ACCSL: variants seen among roughly 807,000 people sequenced by gnomAD.
The protein encoded by ACCSL is probable inactive 1-aminocyclopropane-1-carboxylate synthase-like protein 2.
In ACCSL, 55 loss-of-function variants were observed where a neutral mutation model predicts 61.7. That is an observed-to-expected ratio of 0.89 (90% CI 0.72 to 1.12). The LOEUF (loss-of-function observed/expected upper bound fraction) is 1.12. Ranked by LOEUF, ACCSL falls within the 50% of genes most tolerant of loss-of-function variation. ACCSL has a pLI of 0.00. For missense variants in ACCSL, 632 were observed against 698.0 expected (o/e 0.91, Z 1.07); for synonymous variants, 258 against 264.3 (o/e 0.98, Z 0.23).
the ACCSL span, among the ~76,000 whole-genome samples, chr11:44,037,021 G>A: frequency 6.6e-6 from 1 of 152,156 alleles, no homozygotes; most frequent in African/African-American, 2.4e-5. Context: ...AAAAGGTTAT[G>A]CAATCTGGAG....
the ACCSL span, among the ~76,000 whole-genome samples, chr11:43,940,087 G>A: frequency 1.3e-5 from 2 of 152,122 alleles, no homozygotes; most frequent in African/African-American, 4.8e-5. Context: ...AGAGCTTCTT[G>A]CTTCTTTCCC....
In ACCSL at chr11:44,052,850, C is replaced by T. The variant is rs1246990323; in HGVS notation, c.870+91C>T. ...GGGGTAGAGGGGCTTGCTTTCTACC[C>T]ATCTAAGTGGTTGGGTAGGGGTGGA... On this transcript the variant is annotated intron_variant, in intron 6 of 13. Coordinates refer to ENST00000378832, the MANE Select transcript of ACCSL (RefSeq NM_001031854.2). 1.5e-5 allele frequency: 22 copies of T among 1,474,836 alleles called. No homozygotes were observed. In the South Asian group the frequency reaches 2.3e-4, roughly 15 times the overall value. The allele number at this position is 1,474,836 out of a possible 1,614,324, so 91.4% of individuals were successfully genotyped here.
the ACCSL span, among the ~76,000 whole-genome samples, chr11:43,929,805 C>T: frequency 5.3e-5 from 8 of 152,190 alleles, no homozygotes; most frequent in African/African-American, 1.9e-4. Flanking sequence ...TCAGGCCTCC[C>T]AGAGTGCTGG....
the ACCSL span, among the ~76,000 whole-genome samples, chr11:43,995,953 A>G: frequency 6.6e-6 from 1 of 152,232 alleles, no homozygotes; most frequent in Non-Finnish European, 1.5e-5. Flanking sequence ...CTTAAGATAA[A>G]GTCATTAGGG....
the ACCSL span, among the ~76,000 whole-genome samples, chr11:43,947,574 A>T: frequency 6.6e-6 from 1 of 152,200 alleles, no homozygotes; most frequent in African/African-American, 2.4e-5. Flanking sequence ...AGAGGTGGAG[A>T]GGAAGGAGGT....
chr11:44,058,067 G>T (rs1055350024), intron 11 of ACCSL, among the ~76,000 whole-genome samples: 1 of 152,226 alleles, frequency 6.6e-6, no homozygotes, highest in Non-Finnish European at 1.5e-5. Context: ...CAGTTACTTG[G>T]AAGGCTGAGA....
At chr11:44,036,744 T>G in the ACCSL span, among the ~76,000 whole-genome samples, 50 of 143,636 alleles carry the variant, frequency 3.5e-4, no homozygotes, top group South Asian at 1.0e-2. Context: ...ATCGCCCCAC[T>G]GCACTCCAGC....
chr11:44,048,474 T>A lies in ACCSL; in HGVS notation c.438T>A (p.Tyr146Ter), dbSNP rs773825632. Reference protein sequence around the residue: ...SIRGIDISVFYQSSFQDYNAY... With the variant: ...SIRGIDISVF ...GTGGGATTGACATCTCTGTCTTTTATCAGTCGAGCTTCCAGGACTACAATG... is the reference window on the plus strand; with the variant it reads ...GTGGGATTGACATCTCTGTCTTTTAACAGTCGAGCTTCCAGGACTACAATG... Residue 146 changes from tyrosine to a stop codon, truncating the protein, a stop_gained, in exon 1 of 14, where the codon TAT (tyrosine) becomes TAA (stop). Transcript: ENST00000378832. LOFTEE classifies it high-confidence loss of function. The A allele has an allele frequency of 6.2e-7, 1 of 1,610,316 alleles. No individual in the cohort carries two copies. The highest frequency in any genetic ancestry group is 1.7e-5 in the Admixed American group (1 of 59,138).
chr11:44,001,495 C>T, the ACCSL span, among the ~76,000 whole-genome samples: 33 of 151,810 alleles, frequency 2.2e-4, no homozygotes, highest in Admixed American at 6.6e-4. Context: ...TCTAAGATTC[C>T]GGGGTGAGAC....
At chr11:43,934,880 G>A in the ACCSL span, among the ~76,000 whole-genome samples, 13 of 152,202 alleles carry the variant, frequency 8.5e-5, no homozygotes, top group Non-Finnish European at 1.8e-4. Context: ...CCTGCTAATG[G>A]CTGAAGAACT....
chr11:43,959,261 T>A, the ACCSL span, among the ~76,000 whole-genome samples: 1 of 152,122 alleles, frequency 6.6e-6, no homozygotes, highest in African/African-American at 2.4e-5. Flanking sequence ...TGCTCCCATG[T>A]GCTTGTTCTT....
chr11:43,974,893 G>C, the ACCSL span, among the ~76,000 whole-genome samples: 25 of 152,192 alleles, frequency 1.6e-4, no homozygotes, highest in Non-Finnish European at 2.9e-5. Flanking sequence ...TTTCCCAAAA[G>C]AGCAGCCCCC....
the ACCSL span, among the ~76,000 whole-genome samples, chr11:44,025,736 T>A: frequency 7.0e-6 from 1 of 143,588 alleles, no homozygotes; most frequent in Admixed American, 7.3e-5. Flanking sequence ...GGTCTGCTAG[T>A]GATAAATTCT....
the ACCSL span, among the ~76,000 whole-genome samples, chr11:44,031,111 T>G: frequency 6.6e-6 from 1 of 152,184 alleles, no homozygotes. Flanking sequence ...CTGCTTCACC[T>G]CTTTGAGACT....
the ACCSL span, among the ~76,000 whole-genome samples, chr11:44,014,237 C>T: frequency 4.3e-4 from 66 of 152,316 alleles, 1 homozygote; most frequent in African/African-American, 1.5e-3. Flanking sequence ...AGTGGCTGAG[C>T]TGCTGATCCT....
the ACCSL span, among the ~76,000 whole-genome samples, chr11:44,004,865 A>G: frequency 2.0e-5 from 3 of 152,292 alleles, no homozygotes; most frequent in Admixed American, 2.0e-4. Context: ...CTAGCACTTT[A>G]CAGTTGGAGA....
the ACCSL span, among the ~76,000 whole-genome samples, chr11:44,021,034 G>A: frequency 6.6e-6 from 1 of 152,070 alleles, no homozygotes. Context: ...GTTGTTGGTT[G>A]ATGGGCATTT....
the ACCSL span, among the ~76,000 whole-genome samples, chr11:44,008,109 A>G: frequency 1.3e-5 from 2 of 152,178 alleles, no homozygotes; most frequent in African/African-American, 4.8e-5. Flanking sequence ...CAACCTGGAC[A>G]TGCCAATACT....
the ACCSL span, among the ~76,000 whole-genome samples, chr11:43,998,609 G>A: frequency 6.6e-6 from 1 of 152,168 alleles, no homozygotes; most frequent in Non-Finnish European, 1.5e-5. Flanking sequence ...GGCAAAGTGA[G>A]AGTTAAAAAT....
Sources: allele counts gnomAD v4.1 joint callset (sites outside exome capture counted in the v4.1 genomes callset), GRCh38; gene constraint gnomAD v4.1.1; transcripts MANE v1.5; gene names NCBI Gene and HGNC (gene_info 2026-07-23, HGNC 2026-07-21).